PTK2B: variants seen among roughly 807,000 people sequenced by gnomAD.
The protein encoded by PTK2B is protein-tyrosine kinase 2-beta.
PTK2B carries 71 observed loss-of-function variants against 142.9 expected under a neutral mutation model. The ratio of observed to expected loss-of-function variants is 0.50; its 90% CI spans 0.41 to 0.61. The LOEUF (loss-of-function observed/expected upper bound fraction) is 0.61. PTK2B is among the 20% of genes least tolerant of loss of function. The probability of loss-of-function intolerance (pLI) is 0.00; values close to 1 mark genes in which losing one functional copy is unlikely to be tolerated. For missense variants in PTK2B, 1,105 were observed against 1,320.4 expected (o/e 0.84, Z 2.53); for synonymous variants, 519 against 503.4 (o/e 1.03, Z -0.42).
chr8:27,326,387 G>T (rs1385484292), intron 1 of PTK2B, among the ~76,000 whole-genome samples: 1 of 152,184 alleles, frequency 6.6e-6, no homozygotes, highest in Non-Finnish European at 1.5e-5. Flanking sequence ...GGGTGAGCGT[G>T]GAGCGGCATA....
chr8:27,450,878 CAGG>C lies in PTK2B; in HGVS notation c.2476_2478del (p.Glu826del), dbSNP rs764367017. 5.0e-6 allele frequency: 8 copies of C among 1,614,206 alleles called. No individual in the cohort carries two copies. Among genetic ancestry groups the C allele is most frequent in the African/African-American group, 4.0e-5 (3 of 75,054 alleles). ...GGTGGAGGACTACCAGTGGCTCAGG[CAGG>C]AGGAGAAGTCCCTGGTGAGCACCCC... On this transcript the variant is annotated inframe_deletion, in exon 25 of 31. Transcript: ENST00000346049.
At chr8:27,431,160 A>G in intron 8 of PTK2B, 144 bp downstream of exon 8, 2 of 1,477,114 alleles carry the variant, frequency 1.4e-6, no homozygotes, top group African/African-American at 1.4e-5. Context: ...CGTCGGTGGA[A>G]GTCAAAAGCA....
At chr8:27,415,776 A>G (rs1167704320) in intron 2 of PTK2B, among the ~76,000 whole-genome samples, 2 of 152,256 alleles carry the variant, frequency 1.3e-5, no homozygotes, top group Non-Finnish European at 2.9e-5. Context: ...ATTTTTAAAA[A>G]TAATTTATAG....
intron 30 of PTK2B, among the ~76,000 whole-genome samples, chr8:27,455,665 G>A (rs1018664878): frequency 6.6e-6 from 1 of 152,264 alleles, no homozygotes; most frequent in East Asian, 1.9e-4. Context: ...GTCAGAGCTG[G>A]AGAAGGCAAG....
At chr8:27,336,216 C>CAT (rs1385526070) in intron 1 of PTK2B, among the ~76,000 whole-genome samples, 1 of 152,216 alleles carries the variant, frequency 6.6e-6, no homozygotes, top group African/African-American at 2.4e-5. Flanking sequence ...AGAGTAAATG[C>CAT]ATATGTTTAT....
Position 27,458,506 on chromosome 8 carries a change from G to A in PTK2B, c.3027G>A (p.Glu1009=), listed in dbSNP as rs370726123. Residue 1009 remains glutamate (E), a synonymous_variant, in exon 31 of 31, where the codon GAG becomes GAA. Transcript: ENST00000346049. The stretch of plus-strand genomic sequence containing the variant: ...CCAATCTGGCCCACCCACCTGCAGA[G>A]TGACGGAGGGTGGGGGCCACCTGCC... ...VLANLAHPPA[E] The A allele has an allele frequency of 2.0e-5, 31 of 1,563,080 alleles. No homozygotes were observed. The highest frequency in any genetic ancestry group is 2.6e-5 in the Non-Finnish European group (30 of 1,154,902).
At chr8:27,410,606 T>C (rs969520939) in intron 2 of PTK2B, among the ~76,000 whole-genome samples, 1 of 152,208 alleles carries the variant, frequency 6.6e-6, no homozygotes, top group Non-Finnish European at 1.5e-5. Flanking sequence ...GGTATTTTAT[T>C]AGAAATAGGT....
At chr8:27,400,997 G>A (rs186117429) in intron 2 of PTK2B, among the ~76,000 whole-genome samples, 397 of 137,986 alleles carry the variant, frequency 2.9e-3, no homozygotes, top group Non-Finnish European at 4.9e-3. Context: ...AAATTAGCTG[G>A]GTATGGTGGT....
At chr8:27,411,468 CT>C (rs1189875274) in intron 2 of PTK2B, among the ~76,000 whole-genome samples, 1 of 152,164 alleles carries the variant, frequency 6.6e-6, no homozygotes, top group African/African-American at 2.4e-5. Flanking sequence ...ACGAGAGCCC[CT>C]ATCTCTGTTT....
At chr8:27,324,932 C>G (rs952311490), upstream of PTK2B, among the ~76,000 whole-genome samples, 26 of 152,162 alleles carry the variant, frequency 1.7e-4, no homozygotes, top group Admixed American at 1.7e-3. Flanking sequence ...GGGCGGGGCC[C>G]CTGGAAGGGG....
intron 18 of PTK2B, 47 bp downstream of exon 18, chr8:27,437,927 C>T: frequency 3.3e-6 from 5 of 1,494,344 alleles, no homozygotes; most frequent in Non-Finnish European, 4.6e-6. Context: ...AGGCCTTCAC[C>T]AGATCCTCAA....
intron 1 of PTK2B, among the ~76,000 whole-genome samples, chr8:27,377,512 G>A (rs1381240469): frequency 6.6e-6 from 1 of 152,142 alleles, no homozygotes; most frequent in Non-Finnish European, 1.5e-5. Context: ...TGCACACCTG[G>A]CATCCTTCTT....
chr8:27,311,442 G>C, upstream of PTK2B: 1 of 654,616 alleles, frequency 1.5e-6, no homozygotes, highest in Non-Finnish European at 2.5e-6. Flanking sequence ...CTTCCGGTGT[G>C]CGCGGGAAAT....
intron 1 of PTK2B, among the ~76,000 whole-genome samples, chr8:27,374,157 GCTT>G (rs1446875537): frequency 1.3e-5 from 2 of 152,190 alleles, no homozygotes; most frequent in African/African-American, 4.8e-5. Flanking sequence ...GCACATTGGG[GCTT>G]CTAAGTCTTT....
chr8:27,458,899 T>G lies in PTK2B; in HGVS notation c.*390T>G. On this transcript the variant is annotated 3_prime_UTR_variant, in exon 31 of 31. Coordinates refer to ENST00000346049, the MANE Select transcript of PTK2B (RefSeq NM_173176.3). ...ACCAAGCTATTCCTTTCCCTTCCTC[T>G]TCGGCCCTCAGATGTCCCTTGATGC... is the stretch of plus-strand genomic sequence containing the variant. 1 of 349,966 alleles carries G rather than the reference T, an allele frequency of 2.9e-6. No homozygotes were observed. Among genetic ancestry groups the G allele is most frequent in the South Asian group, 4.0e-5 (1 of 25,154 alleles). 21.7% of individuals were successfully genotyped at this position (349,966 alleles called of 1,614,324 possible).
exon 1 of PTK2B, chr8:27,311,521 G>T (rs1447333702): frequency 2.0e-6 from 1 of 492,020 alleles, no homozygotes; most frequent in South Asian, 3.2e-5. Context: ...GTCCCTGGCC[G>T]GGGTAGCACG....
chr8:27,444,656 G>A (rs902553969), intron 23 of PTK2B, among the ~76,000 whole-genome samples: 1 of 152,118 alleles, frequency 6.6e-6, no homozygotes, highest in African/African-American at 2.4e-5. Flanking sequence ...CCAGAACCTG[G>A]GTGGCCATTG....
At chr8:27,444,338 T>C (rs1586343461) in intron 23 of PTK2B, 67 bp downstream of exon 23, 2 of 1,541,082 alleles carry the variant, frequency 1.3e-6, no homozygotes, top group East Asian at 2.3e-5. Context: ...AACTCCATTC[T>C]TGTGCCTTAG....
At chr8:27,397,838 TC>T (rs756596542) in intron 2 of PTK2B, 50 bp downstream of exon 2, 2 of 1,598,376 alleles carry the variant, frequency 1.3e-6, no homozygotes, top group Admixed American at 3.3e-5. Flanking sequence ...TCTGTCTTCT[TC>T]CTGGGCAGCT....
Sources: gnomAD v4.1 joint callset for allele counts (sites outside exome capture counted in the v4.1 genomes callset) on GRCh38, gnomAD v4.1.1 for gene constraint, MANE v1.5 for transcripts, NCBI Gene and HGNC (gene_info 2026-07-23, HGNC 2026-07-21) for gene names.